The following CADPS2 variants were observed in gnomAD, a reference collection of about 807,000 sequenced individuals.
CADPS2 encodes the protein calcium-dependent secretion activator 2.
Under a neutral mutation model 172.5 loss-of-function variants are expected in CADPS2, and 93 were observed. The ratio of observed to expected loss-of-function variants is 0.54; its 90% CI spans 0.46 to 0.64. The LOEUF (loss-of-function observed/expected upper bound fraction) is 0.64, where lower values mean the gene tolerates loss of function less well. Ranked by LOEUF, CADPS2 falls within the 30% of genes least tolerant of loss-of-function variation. The pLI is 0.00. For synonymous variants in CADPS2, 546 were observed against 555.2 expected, an observed-to-expected ratio of 0.98 and a Z score of 0.23; for missense variants, 1,420 against 1,565.9, an observed-to-expected ratio of 0.91 and a Z score of 1.57.
chr7:122,716,258 T>A (rs1434432168), intron 2 of CADPS2, among the ~76,000 whole-genome samples: 1 of 152,124 alleles, frequency 6.6e-6, no homozygotes, highest in Admixed American at 6.6e-5. Context: ...AAAAAAAGCC[T>A]GCCTCGGACC....
chr7:122,774,110 C>T (rs2093791910), intron 1 of CADPS2, among the ~76,000 whole-genome samples: 1 of 151,938 alleles, frequency 6.6e-6, no homozygotes, highest in African/African-American at 2.4e-5. Flanking sequence ...GAAAGAATAA[C>T]TTTTCAATTA....
intron 2 of CADPS2, among the ~76,000 whole-genome samples, chr7:122,671,291 T>C (rs1456629520): frequency 6.6e-6 from 1 of 152,050 alleles, no homozygotes; most frequent in Admixed American, 6.5e-5. Context: ...ACCCAGAAAA[T>C]ATCCACTGGA....
At chr7:122,668,699 T>C (rs181995257) in intron 2 of CADPS2, among the ~76,000 whole-genome samples, 66 of 152,200 alleles carry the variant, frequency 4.3e-4, no homozygotes, top group South Asian at 8.3e-4. Flanking sequence ...AATAGAGAAT[T>C]ATCAAGTACC....
At chr7:122,630,802 G>C (rs1011536816) in intron 3 of CADPS2, among the ~76,000 whole-genome samples, 6 of 152,028 alleles carry the variant, frequency 3.9e-5, no homozygotes, top group Admixed American at 3.9e-4. Context: ...GAGATTACCT[G>C]TCTAAAATAT....
chr7:122,691,093 T>C (rs1588450106), intron 2 of CADPS2, among the ~76,000 whole-genome samples: 1 of 152,340 alleles, frequency 6.6e-6, no homozygotes, highest in Middle Eastern at 3.4e-3. Context: ...TCTAAGCAGG[T>C]GCTTCACTTC....
intron 28 of CADPS2, among the ~76,000 whole-genome samples, chr7:122,335,340 C>T (rs905841729): frequency 4.7e-4 from 72 of 152,152 alleles, no homozygotes; most frequent in Admixed American, 1.6e-3. Flanking sequence ...ACCTCCACCT[C>T]CCGGGATCAA....
chr7:122,835,854 T>C (rs1808227637), intron 1 of CADPS2, among the ~76,000 whole-genome samples: 1 of 152,210 alleles, frequency 6.6e-6, no homozygotes, highest in Non-Finnish European at 1.5e-5. Flanking sequence ...GAAAACACTC[T>C]GAAGGATATT....
At position 122,569,761 on chromosome 7, in the gene CADPS2, G is replaced by C. The variant is rs913628195; in HGVS notation, c.1335+11418C>G. Among the ~76,000 whole-genome samples, 168 of 147,302 alleles carry C rather than the reference G, an allele frequency of 1.1e-3. No homozygotes were observed. In the Middle Eastern group the frequency reaches 0.014, roughly 12 times the overall value. On this transcript the variant is annotated intron_variant, in intron 7 of 29. Transcript: ENST00000449022. Reference sequence around the variant, plus strand: ...CAACTATCTGATCTTTGACAAACCTGAGAAAAACAAGCAATGGGGAAAGGA... The same window carrying C: ...CAACTATCTGATCTTTGACAAACCTCAGAAAAACAAGCAATGGGGAAAGGA...
intron 1 of CADPS2, among the ~76,000 whole-genome samples, chr7:122,857,393 T>G (rs902057650): frequency 5.3e-5 from 8 of 152,154 alleles, no homozygotes; most frequent in Non-Finnish European, 1.2e-4. Flanking sequence ...TAGTAAAAAC[T>G]GAAAAAGTAA....
At chr7:122,821,734 A>C (rs1034811915) in intron 1 of CADPS2, among the ~76,000 whole-genome samples, 3 of 152,160 alleles carry the variant, frequency 2.0e-5, no homozygotes, top group Non-Finnish European at 2.9e-5. Flanking sequence ...ATATCCCTTA[A>C]GGTCCTCCAT....
chr7:122,570,353 G>T lies in CADPS2; in HGVS notation c.1335+10826C>A, dbSNP rs533793892. On this transcript the variant is annotated intron_variant, in intron 7 of 29. Transcript: ENST00000449022. ...ATGAGATACCATCTCACACCAGTTA[G>T]AATGGCAATCATTAAAAAGTCAGGA... 2.1e-3 allele frequency among the ~76,000 whole-genome samples: 321 copies of T among 151,998 alleles called. 1 individual carries two copies. The highest frequency in any genetic ancestry group is 7.1e-3 in the African/African-American group (296 of 41,402).
intron 1 of CADPS2, among the ~76,000 whole-genome samples, chr7:122,746,848 G>A (rs1266968675): frequency 6.6e-6 from 1 of 152,100 alleles, no homozygotes; most frequent in Non-Finnish European, 1.5e-5. Flanking sequence ...AAGTGCTGAG[G>A]AGTTATTTAA....
intron 1 of CADPS2, among the ~76,000 whole-genome samples, chr7:122,807,896 A>C (rs1388039319): frequency 6.6e-6 from 1 of 152,202 alleles, no homozygotes; most frequent in Non-Finnish European, 1.5e-5. Flanking sequence ...TAAAGACCTT[A>C]TCTCCAAATA....
At chr7:122,591,449 C>T (rs2070789115) in intron 6 of CADPS2, among the ~76,000 whole-genome samples, 2 of 152,106 alleles carry the variant, frequency 1.3e-5, no homozygotes, top group South Asian at 4.1e-4. Flanking sequence ...CCCCATCAAG[C>T]TACCAATGAC....
intron 6 of CADPS2, among the ~76,000 whole-genome samples, chr7:122,603,459 A>C (rs2073072234): frequency 9.7e-6 from 1 of 103,526 alleles, no homozygotes; most frequent in South Asian, 2.8e-4. Flanking sequence ...ATACATGAGC[A>C]GAAAAAAAAA....
At chr7:122,805,926 T>C (rs1044047712) in intron 1 of CADPS2, among the ~76,000 whole-genome samples, 1 of 152,232 alleles carries the variant, frequency 6.6e-6, no homozygotes, top group Admixed American at 6.5e-5. Flanking sequence ...ATGGATGTTT[T>C]AAATATTTTT....
chr7:122,470,041 G>C (rs2055707484), intron 14 of CADPS2, among the ~76,000 whole-genome samples: 1 of 152,108 alleles, frequency 6.6e-6, no homozygotes. Context: ...AGACAAGAAT[G>C]GGCAGATGGA....
intron 3 of CADPS2, among the ~76,000 whole-genome samples, chr7:122,653,603 G>T (rs1458827924): frequency 1.3e-5 from 2 of 152,044 alleles, no homozygotes; most frequent in African/African-American, 2.4e-5. Context: ...AGATATTATG[G>T]TTTTTTTACA....
At chr7:122,510,632 C>G (rs1451187946) in intron 9 of CADPS2, among the ~76,000 whole-genome samples, 1 of 152,102 alleles carries the variant, frequency 6.6e-6, no homozygotes, top group East Asian at 1.9e-4. Context: ...ATCAACAGAG[C>G]ATCATTCTGC....
Sources: gnomAD v4.1 joint callset for allele counts (sites outside exome capture counted in the v4.1 genomes callset) on GRCh38, gnomAD v4.1.1 for gene constraint, MANE v1.5 for transcripts, NCBI Gene and HGNC (gene_info 2026-07-23, HGNC 2026-07-21) for gene names.